The following GTF2IRD1 variants were observed in gnomAD, a reference collection of about 807,000 sequenced individuals.
GTF2IRD1 encodes general transcription factor II-I repeat domain-containing protein 1.
GTF2IRD1 carries 26 observed loss-of-function variants against 113.2 expected under a neutral mutation model. That is an observed-to-expected ratio of 0.23 (90% confidence interval 0.17 to 0.32). The LOEUF (loss-of-function observed/expected upper bound fraction) is 0.32. Ranked by LOEUF, GTF2IRD1 falls within the 10% of genes least tolerant of loss-of-function variation. The pLI is 1.00. For missense variants in GTF2IRD1, 864 were observed against 1,280.8 expected (o/e 0.67, Z 4.97); for synonymous variants, 484 against 529.1 (o/e 0.91, Z 1.17).
Position 74,528,391 on chromosome 7 carries a change from T to C in GTF2IRD1, c.1091-1343T>C, listed in dbSNP as rs587711196. On this transcript the variant is annotated intron_variant, in intron 8 of 26. Coordinates refer to ENST00000424337, the MANE Select transcript of GTF2IRD1 (RefSeq NM_005685.4). ...CTAATTTTTTGTATTTTTATAGAGA[T>C]GGCTTCTTACTGTGTTGCCCAGGCT... 2.0e-5 allele frequency among the ~76,000 whole-genome samples: 3 copies of C among 152,202 alleles called. No individual in the cohort carries two copies. In the East Asian group the frequency reaches 5.8e-4, roughly 30 times the overall value.
intron 1 of GTF2IRD1, among the ~76,000 whole-genome samples, chr7:74,483,434 C>G (rs1296360741): frequency 6.6e-6 from 1 of 151,964 alleles, no homozygotes; most frequent in Admixed American, 6.6e-5. Flanking sequence ...GCAGTTCCAG[C>G]TACTTGCGAG....
intron 1 of GTF2IRD1, among the ~76,000 whole-genome samples, chr7:74,486,654 C>T (rs566894187): frequency 6.6e-6 from 1 of 152,220 alleles, no homozygotes; most frequent in East Asian, 1.9e-4. Context: ...GTACCAGCCA[C>T]ACAGCATCTG....
Position 74,521,884 on chromosome 7 carries a change from G to A in GTF2IRD1, c.1006+587G>A, listed in dbSNP as rs200896360. On this transcript the variant is annotated intron_variant, in intron 7 of 26. Transcript: ENST00000424337. ...GGACTGGCCGAGTTGGGCAGTGCTCGGTCAGGGTCTTTCATGAGGATGCAG... is the reference window on the plus strand; with the variant it reads ...GGACTGGCCGAGTTGGGCAGTGCTCAGTCAGGGTCTTTCATGAGGATGCAG... Among the ~76,000 whole-genome samples the A allele has an allele frequency of 7.9e-5, 12 of 152,290 alleles. No homozygotes were observed. In the East Asian group the frequency reaches 1.9e-3, roughly 24 times the overall value.
intron 17 of GTF2IRD1, among the ~76,000 whole-genome samples, chr7:74,553,727 C>T (rs1445236969): frequency 6.6e-6 from 1 of 152,152 alleles, no homozygotes; most frequent in Non-Finnish European, 1.5e-5. Context: ...GCCTTGGCAG[C>T]CGGCTGTGCT....
At chr7:74,584,140 T>C (rs1801588268) in intron 22 of GTF2IRD1, among the ~76,000 whole-genome samples, 1 of 151,646 alleles carries the variant, frequency 6.6e-6, no homozygotes, top group Non-Finnish European at 1.5e-5. Context: ...TTTTCCAGAG[T>C]TTTGAGGACT....
chr7:74,591,772 G>A (rs587728957), intron 24 of GTF2IRD1, among the ~76,000 whole-genome samples: 1 of 152,068 alleles, frequency 6.6e-6, no homozygotes, highest in East Asian at 1.9e-4. Context: ...CCAGGCAGGA[G>A]TACAGAGGTA....
At chr7:74,600,834 G>A (rs964381017) in intron 25 of GTF2IRD1, 10 of 603,468 alleles carry the variant, frequency 1.7e-5, no homozygotes, top group Non-Finnish European at 2.3e-5. Flanking sequence ...GCAGGAGGCC[G>A]GGGAGAGTGG....
At chr7:74,566,832 G>C (rs587704652) in intron 22 of GTF2IRD1, among the ~76,000 whole-genome samples, 1 of 152,096 alleles carries the variant, frequency 6.6e-6, no homozygotes, top group Non-Finnish European at 1.5e-5. Flanking sequence ...CCCAGGGCAG[G>C]CTCTACCACT....
In GTF2IRD1 at chr7:74,547,265, G is replaced by A; in HGVS notation, c.1895G>A (p.Ser632Asn). Residue 632 changes from serine (S) to asparagine (N), a missense_variant, in exon 17 of 27, where the codon AGC becomes AAC. Physicochemically the swap from Ser to Asn is conservative, Grantham distance 46 (BLOSUM62 1). Coordinates refer to ENST00000424337, the MANE Select transcript of GTF2IRD1 (RefSeq NM_005685.4). ...CGGAAGATTCTGGAGGCCAGCAACA[G>A]CATCCAGTTTGTCATCAAGAGGTAA... ...KLRKILEASN[S>N]IQFVIKRPEL... The A allele has an allele frequency of 3.1e-6, 5 of 1,611,316 alleles. No homozygotes were observed. Among genetic ancestry groups the A allele is most frequent in the Non-Finnish European group, 4.2e-6 (5 of 1,179,548 alleles).
chr7:74,578,413 C>T (rs147936255), intron 22 of GTF2IRD1, among the ~76,000 whole-genome samples: 11,162 of 152,030 alleles, frequency 0.073, 572 homozygotes, highest in East Asian at 0.18. Context: ...CCTGACCTCA[C>T]GATCCACCCG....
chr7:74,495,876 C>G (rs1795627111), intron 1 of GTF2IRD1, among the ~76,000 whole-genome samples: 1 of 152,186 alleles, frequency 6.6e-6, no homozygotes, highest in Non-Finnish European at 1.5e-5. Flanking sequence ...CCTGATGGGA[C>G]AGTGAGCCTT....
intron 1 of GTF2IRD1, among the ~76,000 whole-genome samples, chr7:74,456,542 G>C (rs182760106): frequency 2.0e-4 from 30 of 152,180 alleles, no homozygotes; most frequent in Middle Eastern, 6.8e-3. Context: ...AATTAGCCAG[G>C]CGTGGTGGCA....
chr7:74,560,883 C>T (rs587771789), intron 22 of GTF2IRD1, among the ~76,000 whole-genome samples: 38 of 152,188 alleles, frequency 2.5e-4, no homozygotes, highest in Non-Finnish European at 4.4e-4. Flanking sequence ...ACCCGACCTC[C>T]TGACCCTTTT....
intron 13 of GTF2IRD1, among the ~76,000 whole-genome samples, chr7:74,539,327 C>T (rs587675448): frequency 2.6e-5 from 4 of 152,104 alleles, no homozygotes; most frequent in South Asian, 2.1e-4. Context: ...GTGTGCCTGT[C>T]GGTGTAGCTT....
At chr7:74,520,362 C>T (rs960955116) in intron 6 of GTF2IRD1, among the ~76,000 whole-genome samples, 7 of 152,040 alleles carry the variant, frequency 4.6e-5, no homozygotes, top group Admixed American at 2.0e-4. Flanking sequence ...CCTGGCTCCT[C>T]TACTTAGTGG....
In GTF2IRD1 at chr7:74,519,479, G is replaced by T; in HGVS notation, c.676G>T (p.Gly226Trp). ...ELNGVSLIPKGSRDCGLHGQA... is the reference protein window; with the variant it reads ...ELNGVSLIPKWSRDCGLHGQA... ...GAACGGTGTCTCCCTGATTCCCAAG[G>T]GGTCACGGGACTGTGGCCTGCATGG... The change falls in exon 6 of 27, where the codon GGG (glycine) becomes TGG (tryptophan). Residue 226 changes from glycine to tryptophan, a missense_variant. By Grantham distance (184) the Gly-to-Trp change is radical. Around this residue, in one of 7 missense-constraint regions of GTF2IRD1, gnomAD observed 195 missense variants for 196.6 expected, o/e 0.99. Transcript: ENST00000424337. 1 of 1,600,006 alleles carries T rather than the reference G, an allele frequency of 6.2e-7. No homozygotes were observed. Among genetic ancestry groups the T allele is most frequent in the East Asian group, 2.2e-5 (1 of 44,536 alleles).
In GTF2IRD1 at chr7:74,557,664, G is replaced by C; in HGVS notation, c.2049G>C (p.Arg683=). The C allele has an allele frequency of 6.2e-7, 1 of 1,613,690 alleles. No individual in the cohort carries two copies. Among genetic ancestry groups the C allele is most frequent in the South Asian group, 1.1e-5 (1 of 91,058 alleles). ...AAAATTATGACGCGAGGCTCTCACG[G>C]ATCGACATCGCCAACACACTAAGGG... The part of the protein sequence containing the change: ...FQENYDARLS[R]IDIANTLREQ... The change falls in exon 20 of 27, where the codon CGG becomes CGC. Residue 683 remains arginine (R), a synonymous_variant. Transcript: ENST00000424337.
chr7:74,557,599 A>G (rs782155830), intron 19 of GTF2IRD1, 40 bp from the exon 20 acceptor site: 2 of 1,422,184 alleles, frequency 1.4e-6, no homozygotes, highest in Admixed American at 3.8e-5. Context: ...GTGCTTTTTC[A>G]CTCAACAGCC....
At chr7:74,484,479 G>T (rs1296473548) in intron 1 of GTF2IRD1, among the ~76,000 whole-genome samples, 2 of 142,556 alleles carry the variant, frequency 1.4e-5, no homozygotes, top group Admixed American at 1.4e-4. Flanking sequence ...TTTTGAATTG[G>T]AGTCTCACTC....
Sources: gnomAD v4.1 joint callset for allele counts (sites outside exome capture counted in the v4.1 genomes callset) on GRCh38, gnomAD v4.1.1 for gene constraint, gnomAD v4.1.1 regional missense constraint, MANE v1.5 for transcripts, NCBI Gene and HGNC (gene_info 2026-07-23, HGNC 2026-07-21) for gene names.